PAQR3: variants seen among roughly 807,000 people sequenced by gnomAD.
PAQR3 encodes progestin and adipoQ receptor family member 3, also known as Raf kinase trapping to Golgi.
A neutral mutation model predicts 41.7 loss-of-function variants in PAQR3; 39 were observed. The observed-to-expected ratio is 0.93, with a 90% CI of 0.72 to 1.22. The LOEUF is 1.22. Ranked by LOEUF, PAQR3 falls within the 50% of genes most tolerant of loss-of-function variation. The pLI is 0.00. For synonymous variants in PAQR3, 140 were observed against 140.6 expected (o/e 1.00, Z 0.03); for missense variants, 366 against 385.6 (o/e 0.95, Z 0.42).
chr4:78,921,279 T>C (rs561521427), intron 5 of PAQR3, among the ~76,000 whole-genome samples: 4 of 151,980 alleles, frequency 2.6e-5, no homozygotes, highest in Admixed American at 6.6e-5. Flanking sequence ...TGTGGTCAAA[T>C]GTTAAATTCT....
downstream of PAQR3, among the ~76,000 whole-genome samples, chr4:78,909,593 T>C (rs186049513): frequency 1.1e-3 from 162 of 152,330 alleles, no homozygotes; most frequent in Non-Finnish European, 8.5e-4. Flanking sequence ...AATATGTCTT[T>C]ATATATGCCA....
At chr4:78,897,950 T>C (rs1297431412) in intron 11 of PAQR3, among the ~76,000 whole-genome samples, 3 of 152,216 alleles carry the variant, frequency 2.0e-5, no homozygotes, top group Non-Finnish European at 2.9e-5. Flanking sequence ...GATAAATTAT[T>C]CTGTTGGTGC....
downstream of PAQR3, among the ~76,000 whole-genome samples, chr4:78,907,170 T>C (rs1734329153): frequency 6.6e-6 from 1 of 152,174 alleles, no homozygotes; most frequent in Non-Finnish European, 1.5e-5. Flanking sequence ...TAATAGACTG[T>C]TGATACCTGA....
intron 11 of PAQR3, among the ~76,000 whole-genome samples, chr4:78,890,402 G>GCA (rs1326924229): frequency 1.5e-5 from 2 of 131,334 alleles, no homozygotes; most frequent in African/African-American, 4.4e-5. Context: ...ACACAATCAT[G>GCA]CGCACACACA....
intron 11 of PAQR3, among the ~76,000 whole-genome samples, chr4:78,897,697 T>C (rs1733776732): frequency 6.6e-6 from 1 of 152,232 alleles, no homozygotes; most frequent in Admixed American, 6.5e-5. Context: ...ATAATTTGTT[T>C]TAATTTATAT....
At position 78,914,969 on chromosome 4, in the gene PAQR3, ATGTT is replaced by A. The variant is rs1734919171; in HGVS notation, c.*5566_*5569del. The A allele has an allele frequency of 6.6e-6, 1 of 151,990 alleles. No homozygotes were observed. Among genetic ancestry groups the A allele is most frequent in the Non-Finnish European group, 1.5e-5 (1 of 67,922 alleles). The allele number at this position is 151,990 out of a possible 1,614,324, so 9.4% of individuals were successfully genotyped here. ...CTTATTTTAATATCACGTCAGTAAA[ATGTT>A]AGTATTAAAAAGATCAGCTTTTTAT... On this transcript the variant is annotated 3_prime_UTR_variant, in exon 6 of 6. Coordinates refer to ENST00000512733, the MANE Select transcript of PAQR3 (RefSeq NM_001040202.2).
rs1048390561 is a variant in PAQR3 at position 78,914,637 on chromosome 4, A to G, written c.*5902T>C. On this transcript the variant is annotated 3_prime_UTR_variant, in exon 6 of 6. Coordinates refer to ENST00000512733, the MANE Select transcript of PAQR3 (RefSeq NM_001040202.2). The stretch of plus-strand genomic sequence containing the variant: ...CACAGTACCTGGCACACAGCACTCA[A>G]TAAAAGTTTGGCTCTATTATGGGAT... 12 of 151,850 alleles carry G rather than the reference A, an allele frequency of 7.9e-5. No individual in the cohort carries two copies. The highest frequency in any genetic ancestry group is 2.1e-4 in the South Asian group (1 of 4,824). The allele number at this position is 151,850 out of a possible 1,614,324, so 9.4% of individuals were successfully genotyped here. A position where few individuals can be genotyped will look rare whatever the true frequency, so the allele number is the denominator to read the frequency against.
At chr4:78,894,788 C>G (rs1387423486) in intron 11 of PAQR3, among the ~76,000 whole-genome samples, 1 of 152,212 alleles carries the variant, frequency 6.6e-6, no homozygotes, top group Non-Finnish European at 1.5e-5. Flanking sequence ...GTGCTTTCCT[C>G]TCTAAGCTTA....
intron 11 of PAQR3, among the ~76,000 whole-genome samples, chr4:78,895,280 G>A (rs533567986): frequency 1.6e-3 from 243 of 152,204 alleles, no homozygotes; most frequent in African/African-American, 5.5e-3. Context: ...ATACAAAAAC[G>A]TACACCTGTA....
chr4:78,903,346 A>G (rs1450942446), intron 11 of PAQR3, among the ~76,000 whole-genome samples: 2 of 152,110 alleles, frequency 1.3e-5, no homozygotes, highest in Admixed American at 1.3e-4. Context: ...GCATAAATGT[A>G]CATAATTATT....
downstream of PAQR3, chr4:78,910,962 TTA>T: frequency 6.2e-7 from 1 of 1,613,636 alleles, no homozygotes. Context: ...CTGATTCTGA[TTA>T]TGAGCAGGCT....
intron 2 of PAQR3, among the ~76,000 whole-genome samples, chr4:78,932,343 A>AG (rs1725448636): frequency 6.6e-6 from 1 of 152,182 alleles, no homozygotes; most frequent in Admixed American, 6.5e-5. Context: ...CTTGAGATTA[A>AG]GCACCATAAA....
rs1268546570 is a variant in PAQR3, at chr4:78,913,136, T to TA, written c.*7402_*7403insT. On this transcript the variant is annotated 3_prime_UTR_variant, in exon 6 of 6. Transcript: ENST00000512733. Reference sequence around the variant, plus strand: ...AAGCAACAATTATTTTTATTAGGTTTTGGGGGGTGGAGTAGTTTTAATAAA... The same window carrying TA: ...AAGCAACAATTATTTTTATTAGGTTTATGGGGGGTGGAGTAGTTTTAATAAA... 1 of 152,138 alleles carries TA rather than the reference T, an allele frequency of 6.6e-6. No homozygotes were observed. Among genetic ancestry groups the TA allele is most frequent in the African/African-American group, 2.4e-5 (1 of 41,450 alleles). 9.4% of individuals were successfully genotyped at this position (152,138 alleles called of 1,614,324 possible). A position where few individuals can be genotyped will look rare whatever the true frequency, so the allele number is the denominator to read the frequency against.
chr4:78,892,814 A>G (rs977801620), intron 11 of PAQR3, among the ~76,000 whole-genome samples: 1 of 152,240 alleles, frequency 6.6e-6, no homozygotes, highest in African/African-American at 2.4e-5. Context: ...ATATACCATA[A>G]TTTAAAAATA....
At chr4:78,924,009 A>T (rs1313230631) in intron 4 of PAQR3, 62 bp from the exon 5 acceptor site, 2 of 1,191,156 alleles carry the variant, frequency 1.7e-6, no homozygotes, top group African/African-American at 3.0e-5. Flanking sequence ...TAAATTTATT[A>T]TGAATCTAAT....
Position 78,920,386 on chromosome 4 carries a change from C to T in PAQR3, c.*153G>A. On this transcript the variant is annotated 3_prime_UTR_variant, in exon 6 of 6. Coordinates refer to ENST00000512733, the MANE Select transcript of PAQR3 (RefSeq NM_001040202.2). Reference sequence around the variant, plus strand: ...TTGTAAAGCAGTTATTACTACAGATCCTTAAGTATACTTTTTTTCCCATTT... The same window carrying T: ...TTGTAAAGCAGTTATTACTACAGATTCTTAAGTATACTTTTTTTCCCATTT... 1 of 1,283,012 alleles carries T rather than the reference C, an allele frequency of 7.8e-7. No homozygotes were observed. The highest frequency in any genetic ancestry group is 9.8e-7 in the Non-Finnish European group (1 of 1,015,606). 79.5% of individuals were successfully genotyped at this position (1,283,012 alleles called of 1,614,324 possible). A position where few individuals can be genotyped will look rare whatever the true frequency, so the allele number is the denominator to read the frequency against.
chr4:78,891,168 G>C (rs928806170), intron 11 of PAQR3, among the ~76,000 whole-genome samples: 2 of 152,198 alleles, frequency 1.3e-5, no homozygotes, highest in African/African-American at 2.4e-5. Context: ...AAGAGGCACT[G>C]CTTCATAGTA....
intron 5 of PAQR3, chr4:78,921,592 A>G (rs1457906550): frequency 1.2e-6 from 1 of 810,404 alleles, no homozygotes; most frequent in African/African-American, 1.9e-5. Flanking sequence ...TTGATTATCT[A>G]ATACAACTAT....
In PAQR3 at chr4:78,926,690, A is replaced by C. The variant is rs774981829; in HGVS notation, c.533T>G (p.Val178Gly). Reference sequence around the variant, plus strand: ...GAACACTGCCAGGATCATAGCAAGCACTGTGATCAAGTACACCTGACGCCA... The same window carrying C: ...GAACACTGCCAGGATCATAGCAAGCCCTGTGATCAAGTACACCTGACGCCA... ...NYWRQVYLITVLAMILAVFFA... is the reference protein window; with the variant it reads ...NYWRQVYLITGLAMILAVFFA... Residue 178 changes from valine to glycine, a missense_variant, in exon 4 of 6, where the codon GTG (valine) becomes GGG (glycine). Coordinates refer to ENST00000512733, the MANE Select transcript of PAQR3 (RefSeq NM_001040202.2). 6.2e-7 allele frequency: 1 copy of C among 1,614,012 alleles called. No individual in the cohort carries two copies. Among genetic ancestry groups the C allele is most frequent in the South Asian group, 1.1e-5 (1 of 91,078 alleles).
Sources: allele counts gnomAD v4.1 joint callset (sites outside exome capture counted in the v4.1 genomes callset), GRCh38; gene constraint gnomAD v4.1.1; transcripts MANE v1.5; gene names NCBI Gene and HGNC (gene_info 2026-07-23, HGNC 2026-07-21).